Variants in HEATR4 observed in about 807,000 individuals in gnomAD.
HEATR4 encodes the protein HEAT repeat containing 4.
In HEATR4, 95 loss-of-function variants were observed where a neutral mutation model predicts 108.8. The observed-to-expected ratio is 0.87, with a 90% CI of 0.74 to 1.04. The LOEUF is 1.04. HEATR4 is among the 50% of genes least tolerant of loss of function. The probability of loss-of-function intolerance (pLI) is 0.00; values close to 1 mark genes in which losing one functional copy is unlikely to be tolerated. For missense variants in HEATR4, 1,152 were observed against 1,253.8 expected, an observed-to-expected ratio of 0.92 and a Z score of 1.23; for synonymous variants, 443 against 459.4, an observed-to-expected ratio of 0.96 and a Z score of 0.46.
In HEATR4 at chr14:73,521,023, G is replaced by C; in HGVS notation, c.898C>G (p.Gln300Glu). The C allele has an allele frequency of 6.2e-7, 1 of 1,613,474 alleles. No homozygotes were observed. The highest frequency in any genetic ancestry group is 8.5e-7 in the Non-Finnish European group (1 of 1,179,876). Residue 300 changes from glutamine (Q) to glutamate (E), a missense_variant, in exon 4 of 18, where the codon CAA (glutamine) becomes GAA (glutamate). Gln to Glu is a conservative substitution (Grantham distance 29). Coordinates refer to ENST00000553558, the MANE Select transcript of HEATR4 (RefSeq NM_001220484.1). ...ATGATCTCAACTGTCTCTGCTTGTT[G>C]GAAGTAACTGGGCAATCTTGGCAGG... ...PVYYRLPSYF[Q>E]QAETVEIMPG...
At chr14:73,562,593 T>G (rs1024565892), upstream of HEATR4, among the ~76,000 whole-genome samples, 8 of 152,152 alleles carry the variant, frequency 5.3e-5, 1 homozygote, top group Non-Finnish European at 5.9e-5. Flanking sequence ...GTAGGAGAGA[T>G]ATCACTAAAT....
At chr14:73,483,231 T>C (rs961051185) in intron 17 of HEATR4, among the ~76,000 whole-genome samples, 1 of 152,224 alleles carries the variant, frequency 6.6e-6, no homozygotes, top group Non-Finnish European at 1.5e-5. Flanking sequence ...GAACATGAAG[T>C]ATACTAATAA....
the HEATR4 span, among the ~76,000 whole-genome samples, chr14:73,566,432 G>T: frequency 0.097 from 14,753 of 152,090 alleles, 1,145 homozygotes; most frequent in Non-Finnish European, 0.14. Context: ...CCACGGAGGC[G>T]GGGGGAGGCT....
intron 17 of HEATR4, among the ~76,000 whole-genome samples, chr14:73,486,672 T>A (rs1885465455): frequency 6.6e-6 from 1 of 151,504 alleles, no homozygotes; most frequent in East Asian, 2.0e-4. Flanking sequence ...CACTCCAGCC[T>A]GGGCAACAGA....
intron 2 of HEATR4, among the ~76,000 whole-genome samples, chr14:73,526,082 C>T (rs1888320835): frequency 6.6e-6 from 1 of 152,118 alleles, no homozygotes; most frequent in African/African-American, 2.4e-5. Flanking sequence ...TCGCCTATGC[C>T]CCCCTCCCTC....
rs762148504 is a variant in HEATR4 at position 73,500,776 on chromosome 14, T to A, written c.2106-46A>T. The A allele has an allele frequency of 1.7e-5, 27 of 1,574,566 alleles. No homozygotes were observed. The East Asian group carries it at 5.8e-4, about 34-fold the overall frequency. On this transcript the variant is annotated intron_variant, in intron 11 of 17. Coordinates refer to ENST00000553558, the MANE Select transcript of HEATR4 (RefSeq NM_001220484.1). Reference sequence around the variant, plus strand: ...TCCTTTCACCTCCTTAAACTTTCAGTACCTAACCCCCAACCCCCACTAATG... The same window carrying A: ...TCCTTTCACCTCCTTAAACTTTCAGAACCTAACCCCCAACCCCCACTAATG...
chr14:73,514,594 A>C (rs1471538479), intron 5 of HEATR4, among the ~76,000 whole-genome samples: 1 of 152,200 alleles, frequency 6.6e-6, no homozygotes, highest in Admixed American at 6.5e-5. Context: ...GATACGTTGC[A>C]ATTTAGTGTC....
Position 73,478,808 on chromosome 14 carries a change from T to C in HEATR4, c.2879A>G (p.Gln960Arg). The C allele has an allele frequency of 1.2e-6, 2 of 1,610,594 alleles. No homozygotes were observed. The highest frequency in any genetic ancestry group is 1.1e-5 in the South Asian group (1 of 91,030). ...VKPRAPNPWLQSSVPGLTTRS... is the reference protein window; with the variant it reads ...VKPRAPNPWLRSSVPGLTTRS... ...TGTGGTTAGGCCTGGGACTGAACTT[T>C]GTAACCAGGGATTTGGTGCGCGGGG... Residue 960 changes from glutamine to arginine, a missense_variant, in exon 18 of 18, where the codon CAA becomes CGA. Gln to Arg is a conservative substitution (Grantham distance 43). Transcript: ENST00000553558.
At chr14:73,519,356 T>C (rs1409082289) in intron 4 of HEATR4, among the ~76,000 whole-genome samples, 193 bp from the exon 5 acceptor site, 1 of 152,004 alleles carries the variant, frequency 6.6e-6, no homozygotes, top group Non-Finnish European at 1.5e-5. Context: ...TAAATCACTA[T>C]AGTGTCTGTG....
chr14:73,623,070 G>A, the HEATR4 span, among the ~76,000 whole-genome samples: 3 of 151,862 alleles, frequency 2.0e-5, no homozygotes, highest in East Asian at 5.8e-4. Flanking sequence ...CACCATGCCC[G>A]GCTAATTTTG....
At position 73,492,273 on chromosome 14, in the gene HEATR4, C is replaced by T; in HGVS notation, c.2844+793G>A. ...GATGGAGTCCACTCTCTGCACCTCA[C>T]CTTGTCCACGTACCAGCGCAATACC... On this transcript the variant is annotated intron_variant, in intron 17 of 17. Transcript: ENST00000553558. This position sits in a 1 kb window ranked among gnomAD's most constrained non-coding sequence, Gnocchi z 4.9. 6.2e-7 allele frequency: 1 copy of T among 1,614,042 alleles called. No individual in the cohort carries two copies. Among genetic ancestry groups the T allele is most frequent in the Non-Finnish European group, 8.5e-7 (1 of 1,179,910 alleles).
chr14:73,500,259 C>G (rs1322671018), intron 12 of HEATR4, among the ~76,000 whole-genome samples: 2 of 151,012 alleles, frequency 1.3e-5, no homozygotes, highest in Non-Finnish European at 2.9e-5. Flanking sequence ...ACAAAAAAAC[C>G]ATGAGAATTA....
At chr14:73,566,317 C>A in the HEATR4 span, among the ~76,000 whole-genome samples, 117 of 152,232 alleles carry the variant, frequency 7.7e-4, no homozygotes, top group African/African-American at 2.6e-3. Context: ...GCCTGCCAGT[C>A]CCGCACCGTG....
the HEATR4 span, chr14:73,594,978 T>TA: frequency 5.7e-6 from 9 of 1,565,324 alleles, no homozygotes; most frequent in African/African-American, 1.1e-4. Context: ...GTGTTGGGAT[T>TA]ACAGGCATGA....
the HEATR4 span, among the ~76,000 whole-genome samples, chr14:73,565,519 G>A: frequency 2.0e-5 from 3 of 151,756 alleles, no homozygotes; most frequent in Non-Finnish European, 4.4e-5. Context: ...GAATGAAGCC[G>A]TGGACCCTCA....
At position 73,478,674 on chromosome 14, in the gene HEATR4, A is replaced by T; in HGVS notation, c.3013T>A (p.Phe1005Ile). 6.2e-7 allele frequency: 1 copy of T among 1,613,922 alleles called. No individual in the cohort carries two copies. The highest frequency in any genetic ancestry group is 1.3e-5 in the African/African-American group (1 of 74,970). Residue 1005 changes from phenylalanine (F) to isoleucine (I), a missense_variant, in exon 18 of 18, where the codon TTC (phenylalanine) becomes ATC (isoleucine). Phe to Ile is a conservative substitution (Grantham distance 21, BLOSUM62 0). Coordinates refer to ENST00000553558, the MANE Select transcript of HEATR4 (RefSeq NM_001220484.1). Reference protein sequence around the residue: ...SDYPALYLGKFSERTFFSPIM... With the variant: ...SDYPALYLGKISERTFFSPIM... ...GGAGAAAAAAATGTTCTCTCTGAGA[A>T]TTTACCCAGATAAAGAGCTGGGTAG...
the HEATR4 span, among the ~76,000 whole-genome samples, chr14:73,586,689 A>G: frequency 6.8e-6 from 1 of 147,956 alleles, no homozygotes; most frequent in Non-Finnish European, 1.5e-5. Context: ...TGGGAGACAC[A>G]GTGACTCTGT....
chr14:73,496,399 T>G (rs1359645742), intron 15 of HEATR4, among the ~76,000 whole-genome samples: 1 of 152,216 alleles, frequency 6.6e-6, no homozygotes, highest in Non-Finnish European at 1.5e-5. Context: ...TTGTTTTGTT[T>G]TTGTCTTTAC....
Position 73,492,574 on chromosome 14 carries a change from G to A in HEATR4, c.2844+492C>T, listed in dbSNP as rs1288226236. Reference sequence around the variant, plus strand: ...CCCCTGTTTTGACTGATAGGGAGAGGGCACTAAGTGTTTACGGGCTTCCAA... The same window carrying A: ...CCCCTGTTTTGACTGATAGGGAGAGAGCACTAAGTGTTTACGGGCTTCCAA... On this transcript the variant is annotated intron_variant, in intron 17 of 17. Transcript: ENST00000553558. This position sits in a 1 kb window ranked among gnomAD's most constrained non-coding sequence, Gnocchi z 4.9. 1.9e-6 allele frequency: 3 copies of A among 1,613,912 alleles called. No homozygotes were observed. The highest frequency in any genetic ancestry group is 1.7e-6 in the Non-Finnish European group (2 of 1,179,868).
Sources: allele counts gnomAD v4.1 joint callset (sites outside exome capture counted in the v4.1 genomes callset), GRCh38; gene constraint gnomAD v4.1.1; non-coding constraint Gnocchi (gnomAD v3.1); transcripts MANE v1.5; gene names NCBI Gene and HGNC (gene_info 2026-07-23, HGNC 2026-07-21).